The following ROBO2 variants were observed in gnomAD, a reference collection of about 807,000 sequenced individuals.
ROBO2 encodes the protein roundabout guidance receptor 2.
In ROBO2, 53 loss-of-function variants were observed where a neutral mutation model predicts 160.8. The observed-to-expected ratio is 0.33, with a 90% CI of 0.26 to 0.41. The LOEUF (loss-of-function observed/expected upper bound fraction) is 0.41, where lower values mean the gene tolerates loss of function less well. ROBO2 is among the 10% of genes least tolerant of loss of function. The pLI is 1.00. For missense variants in ROBO2, 1,577 were observed against 1,722.4 expected, an observed-to-expected ratio of 0.92 and a Z score of 1.49; for synonymous variants, 664 against 611.7, an observed-to-expected ratio of 1.09 and a Z score of -1.26.
At chr3:76,846,322 G>A (rs1186127396) in intron 2 of ROBO2, among the ~76,000 whole-genome samples, 4 of 152,058 alleles carry the variant, frequency 2.6e-5, no homozygotes, top group Non-Finnish European at 5.9e-5. Context: ...TGAAAGAAAC[G>A]CTTTACCTAG....
intron 2 of ROBO2, among the ~76,000 whole-genome samples, chr3:77,104,312 C>T (rs1485751198): frequency 6.6e-6 from 1 of 152,106 alleles, no homozygotes; most frequent in Non-Finnish European, 1.5e-5. Flanking sequence ...TAGAATCATA[C>T]AATATATTGT....
At chr3:77,107,958 G>T in intron 2 of ROBO2, among the ~76,000 whole-genome samples, 1 of 150,286 alleles carries the variant, frequency 6.7e-6, no homozygotes, top group East Asian at 2.0e-4. Context: ...TGCTTTCTTT[G>T]CTTATTCAAA....
Position 75,957,576 on chromosome 3 carries a change from A to T in ROBO2, c.109+19974A>T, listed in dbSNP as rs530135255. Among the ~76,000 whole-genome samples the T allele has an allele frequency of 7.9e-5, 12 of 151,468 alleles. No homozygotes were observed. In the Admixed American group the frequency reaches 7.9e-4, roughly 10 times the overall value. ...TGACATTTAGTGTTTTTTACTTTAC[A>T]GTTCTAAGTTACTTATGCTTAAAAA... On this transcript the variant is annotated intron_variant, in intron 2 of 26. Coordinates refer to the ROBO2 transcript ENST00000487694.
At chr3:75,988,829 G>T (rs2065486745) in intron 2 of ROBO2, among the ~76,000 whole-genome samples, 1 of 151,804 alleles carries the variant, frequency 6.6e-6, no homozygotes, top group African/African-American at 2.4e-5. Flanking sequence ...TCCTGTGGTT[G>T]CTGGAGAATA....
intron 2 of ROBO2, among the ~76,000 whole-genome samples, chr3:76,800,626 C>G (rs1162265404): frequency 6.6e-6 from 1 of 152,062 alleles, no homozygotes; most frequent in African/African-American, 2.4e-5. Flanking sequence ...AAAAGGTGCT[C>G]AAGATTATTG....
intron 2 of ROBO2, among the ~76,000 whole-genome samples, chr3:75,995,007 A>G (rs915264299): frequency 9.2e-5 from 14 of 152,346 alleles, no homozygotes; most frequent in African/African-American, 3.4e-4. Context: ...ATGATTTCAG[A>G]TATCTGGCAG....
At chr3:77,105,389 G>A (rs2072655536) in intron 2 of ROBO2, among the ~76,000 whole-genome samples, 1 of 152,160 alleles carries the variant, frequency 6.6e-6, no homozygotes, top group East Asian at 1.9e-4. Context: ...TGTCAGGTGA[G>A]ATTTCATATA....
chr3:76,663,345 T>A (rs1055739199), intron 2 of ROBO2, among the ~76,000 whole-genome samples: 2 of 152,304 alleles, frequency 1.3e-5, no homozygotes, highest in African/African-American at 4.8e-5. Context: ...ATGAACTGCA[T>A]GGCTCAGAAA....
intron 2 of ROBO2, among the ~76,000 whole-genome samples, chr3:76,450,595 C>A (rs1395947939): frequency 1.3e-5 from 2 of 152,142 alleles, no homozygotes; most frequent in South Asian, 4.1e-4. Flanking sequence ...GGATTACAGG[C>A]ACATGCCACT....
intron 2 of ROBO2, among the ~76,000 whole-genome samples, chr3:76,500,998 G>C (rs1021682925): frequency 6.6e-6 from 1 of 152,116 alleles, no homozygotes; most frequent in African/African-American, 2.4e-5. Context: ...TGTAGGGAGG[G>C]CTAGGAAGCA....
At chr3:76,733,958 C>A (rs542125500) in intron 2 of ROBO2, among the ~76,000 whole-genome samples, 1 of 152,218 alleles carries the variant, frequency 6.6e-6, no homozygotes, top group African/African-American at 2.4e-5. Flanking sequence ...GTGAAGGAAA[C>A]CAGAAAGAGC....
intron 9 of ROBO2, 142 bp downstream of exon 10, chr3:77,558,291 A>T (rs1470915155): frequency 1.4e-6 from 1 of 716,944 alleles, no homozygotes; most frequent in Non-Finnish European, 2.4e-6. Context: ...TACTTATTTT[A>T]AAAATGATGA....
At chr3:77,048,166 A>G (rs1389221288) in intron 1 of ROBO2, among the ~76,000 whole-genome samples, 2 of 152,230 alleles carry the variant, frequency 1.3e-5, no homozygotes, top group Non-Finnish European at 1.5e-5. Context: ...TAGTATGAAC[A>G]AGGAAAATAA....
At chr3:77,639,126 G>A (rs796627971) in intron 24 of ROBO2, among the ~76,000 whole-genome samples, 1 of 151,952 alleles carries the variant, frequency 6.6e-6, no homozygotes, top group Non-Finnish European at 1.5e-5. Flanking sequence ...CACCATGCCC[G>A]GCCCCTTTCC....
chr3:77,506,478 TAGTCCTTTAGTGC>T (rs1447115065), intron 5 of ROBO2, among the ~76,000 whole-genome samples: 1 of 152,148 alleles, frequency 6.6e-6, no homozygotes, highest in African/African-American at 2.4e-5. Context: ...GCTCACGAGT[TAGTCCTTTAGTGC>T]AGTGATTCTC....
intron 2 of ROBO2, among the ~76,000 whole-genome samples, chr3:76,294,461 G>A (rs983369461): frequency 1.3e-5 from 2 of 152,128 alleles, no homozygotes; most frequent in African/African-American, 2.4e-5. Flanking sequence ...TGAGCTTTAC[G>A]TACCTTAATT....
intron 2 of ROBO2, among the ~76,000 whole-genome samples, chr3:76,085,434 C>A (rs1347977150): frequency 6.6e-6 from 1 of 152,046 alleles, no homozygotes; most frequent in Non-Finnish European, 1.5e-5. Flanking sequence ...ACAAGCACTG[C>A]ATATCTTTAT....
At chr3:76,232,449 A>G (rs1302745643) in intron 2 of ROBO2, among the ~76,000 whole-genome samples, 4 of 152,232 alleles carry the variant, frequency 2.6e-5, no homozygotes, top group African/African-American at 9.6e-5. Flanking sequence ...AATCATTTCT[A>G]TAACAGTAAG....
chr3:76,881,392 T>C (rs1296257207), intron 2 of ROBO2, among the ~76,000 whole-genome samples: 1 of 152,162 alleles, frequency 6.6e-6, no homozygotes, highest in African/African-American at 2.4e-5. Flanking sequence ...GCAGGGTCCT[T>C]AGAAATACAC....
Sources: allele counts gnomAD v4.1 joint callset (sites outside exome capture counted in the v4.1 genomes callset), GRCh38; gene constraint gnomAD v4.1.1; transcripts MANE v1.5; gene names NCBI Gene and HGNC (gene_info 2026-07-23, HGNC 2026-07-21).